RCAN1: variants seen among roughly 807,000 people sequenced by gnomAD.
The protein encoded by RCAN1 is regulator of calcineurin 1.
Under a neutral mutation model 22.9 loss-of-function variants are expected in RCAN1, and 11 were observed. The observed-to-expected ratio is 0.48, with a 90% CI of 0.30 to 0.79. The LOEUF is 0.79. RCAN1 is among the 30% of genes least tolerant of loss of function. RCAN1 has a pLI of 0.06. For synonymous variants in RCAN1, 136 were observed against 142.3 expected, an observed-to-expected ratio of 0.96 and a Z score of 0.32; for missense variants, 291 against 337.8, an observed-to-expected ratio of 0.86 and a Z score of 1.09.
chr21:34,535,458 G>A (rs944097924), intron 1 of RCAN1, among the ~76,000 whole-genome samples: 8 of 150,778 alleles, frequency 5.3e-5, no homozygotes, highest in African/African-American at 1.2e-4. Context: ...GAGAAAATAC[G>A]GGAGGTGCTG....
At chr21:34,542,914 C>T (rs1447766311) in intron 1 of RCAN1, among the ~76,000 whole-genome samples, 1 of 152,186 alleles carries the variant, frequency 6.6e-6, no homozygotes, top group Non-Finnish European at 1.5e-5. Context: ...AGTATGGACT[C>T]TGGAGCCAGG....
At chr21:34,602,312 C>T (rs1988380007) in intron 1 of RCAN1, among the ~76,000 whole-genome samples, 1 of 152,178 alleles carries the variant, frequency 6.6e-6, no homozygotes, top group African/African-American at 2.4e-5. Context: ...TCTGCATAAC[C>T]ACCCCTTTCA....
At chr21:34,602,122 C>G (rs1346948196) in intron 1 of RCAN1, among the ~76,000 whole-genome samples, 2 of 152,148 alleles carry the variant, frequency 1.3e-5, no homozygotes, top group Non-Finnish European at 2.9e-5. Context: ...GTCCTTGATA[C>G]GATCACAAAC....
intron 1 of RCAN1, among the ~76,000 whole-genome samples, chr21:34,537,994 A>T (rs1462139313): frequency 6.6e-6 from 1 of 152,232 alleles, no homozygotes; most frequent in East Asian, 1.9e-4. Flanking sequence ...GACGATCTTG[A>T]TTCTGCTCAA....
chr21:34,534,176 C>T (rs988622783), intron 1 of RCAN1, among the ~76,000 whole-genome samples: 2 of 149,906 alleles, frequency 1.3e-5, no homozygotes, highest in African/African-American at 2.5e-5. Flanking sequence ...CATGAGGAGA[C>T]AGCTGGGGTA....
At position 34,567,753 on chromosome 21, in the gene RCAN1, G is replaced by A. The variant is rs114726505; in HGVS notation, c.253-44043C>T. On this transcript the variant is annotated intron_variant, in intron 1 of 3. Coordinates refer to ENST00000313806, the MANE Select transcript of RCAN1 (RefSeq NM_004414.7). ...ACCTACACCTAAGAAGTCCCTAGCA[G>A]CACGGGCGCCACTGGAATTTCCCAC... is the stretch of plus-strand genomic sequence containing the variant. 8.9e-4 allele frequency among the ~76,000 whole-genome samples: 135 copies of A among 152,312 alleles called. 1 individual carries two copies. The highest frequency in any genetic ancestry group is 3.1e-3 in the African/African-American group (130 of 41,566).
At chr21:34,564,914 A>C (rs2123671871) in intron 1 of RCAN1, among the ~76,000 whole-genome samples, 1 of 152,256 alleles carries the variant, frequency 6.6e-6, no homozygotes, top group Admixed American at 6.5e-5. Context: ...AATAAGAAAA[A>C]GCTGACCGGG....
intron 1 of RCAN1, among the ~76,000 whole-genome samples, chr21:34,555,594 AT>A (rs1986529949): frequency 1.3e-5 from 2 of 150,820 alleles, no homozygotes; most frequent in South Asian, 2.1e-4. Context: ...AAATAAAATA[AT>A]AATAATAATA....
intron 1 of RCAN1, among the ~76,000 whole-genome samples, chr21:34,543,700 T>C (rs9636881): frequency 0.24 from 36,430 of 152,242 alleles, 5,064 homozygotes; most frequent in African/African-American, 0.38. Context: ...ACTGCTGTCC[T>C]TTTATTTCTT....
At chr21:34,560,783 G>C (rs889693515) in intron 1 of RCAN1, among the ~76,000 whole-genome samples, 2 of 152,194 alleles carry the variant, frequency 1.3e-5, no homozygotes, top group African/African-American at 4.8e-5. Context: ...AAGAGCCTGG[G>C]GGAAGCTAAA....
At chr21:34,532,414 T>C (rs1985440868) in intron 1 of RCAN1, among the ~76,000 whole-genome samples, 1 of 152,214 alleles carries the variant, frequency 6.6e-6, no homozygotes, top group Non-Finnish European at 1.5e-5. Context: ...CTCTCCAAAC[T>C]TCCTACGTCT....
At chr21:34,588,332 A>G (rs529889021) in intron 1 of RCAN1, among the ~76,000 whole-genome samples, 4 of 152,154 alleles carry the variant, frequency 2.6e-5, no homozygotes, top group Admixed American at 6.5e-5. Flanking sequence ...CTGGGGAGGG[A>G]CATGAAGGAT....
intron 1 of RCAN1, among the ~76,000 whole-genome samples, chr21:34,556,065 A>AAAT (rs1986553458): frequency 9.2e-6 from 1 of 108,124 alleles, no homozygotes; most frequent in Non-Finnish European, 1.8e-5. Context: ...TCCATTTCAA[A>AAAT]AAATAAATAA....
chr21:34,600,262 C>T (rs1374444591), intron 1 of RCAN1, among the ~76,000 whole-genome samples: 1 of 152,146 alleles, frequency 6.6e-6, no homozygotes, highest in East Asian at 1.9e-4. Context: ...AGGTCATCTT[C>T]CCCAGCATAT....
At position 34,614,374 on chromosome 21, in the gene RCAN1, TCCTCCTCCCTAGGAATGAGGTGACCC is replaced by T. The variant is rs1471269271; in HGVS notation, c.252+360_252+385del. 8.1e-6 allele frequency: 8 copies of T among 992,664 alleles called. No individual in the cohort carries two copies. The highest frequency in any genetic ancestry group is 9.6e-6 in the Non-Finnish European group (8 of 834,884). 61.5% of individuals were successfully genotyped at this position (992,664 alleles called of 1,614,324 possible). On this transcript the variant is annotated intron_variant, in intron 1 of 3. Coordinates refer to ENST00000313806, the MANE Select transcript of RCAN1 (RefSeq NM_004414.7). The surrounding 1 kb of genome is among the most constrained non-coding windows in gnomAD (Gnocchi z 6.0). ...GTCACGTCGCCGCTCAATGTCTGTT[TCCTCCTCCCTAGGAATGAGGTGACCC>T]CCTCCTCCAGCGAGTAAATGCGGGG...
intron 1 of RCAN1, among the ~76,000 whole-genome samples, chr21:34,573,469 A>G (rs1987303643): frequency 6.6e-6 from 1 of 152,214 alleles, no homozygotes; most frequent in African/African-American, 2.4e-5. Context: ...ATAATCGAAC[A>G]TTACAAAACC....
chr21:34,526,487 C>T (rs991748601), intron 1 of RCAN1, among the ~76,000 whole-genome samples: 2 of 152,152 alleles, frequency 1.3e-5, no homozygotes, highest in African/African-American at 4.8e-5. Flanking sequence ...AAATTCCTTC[C>T]TCAGTTAATT....
At chr21:34,578,353 T>G (rs1271920616) in intron 1 of RCAN1, among the ~76,000 whole-genome samples, 2 of 152,204 alleles carry the variant, frequency 1.3e-5, no homozygotes, top group Admixed American at 1.3e-4. Flanking sequence ...ATCTGTTTGA[T>G]GCAGAACTAA....
chr21:34,528,832 C>G (rs71329072), intron 1 of RCAN1, among the ~76,000 whole-genome samples: 1,683 of 152,246 alleles, frequency 0.011, 17 homozygotes, highest in Non-Finnish European at 0.017. Context: ...CTTCTTTTCT[C>G]TTTTAAAATC....
Sources: gnomAD v4.1 joint callset for allele counts (sites outside exome capture counted in the v4.1 genomes callset) on GRCh38, gnomAD v4.1.1 for gene constraint, Gnocchi (gnomAD v3.1) non-coding constraint, MANE v1.5 for transcripts, NCBI Gene and HGNC (gene_info 2026-07-23, HGNC 2026-07-21) for gene names.